The following CTNNA2 variants were observed in gnomAD, a reference collection of about 807,000 sequenced individuals.
CTNNA2 encodes catenin alpha-2.
CTNNA2 carries 42 observed loss-of-function variants against 101.0 expected under a neutral mutation model. The observed-to-expected ratio is 0.42, with a 90% CI of 0.32 to 0.54. The LOEUF (loss-of-function observed/expected upper bound fraction) is 0.54. CTNNA2 is among the 20% of genes least tolerant of loss of function. The pLI, the probability that CTNNA2 is intolerant of heterozygous loss-of-function variation, is 0.14. For missense variants in CTNNA2, 871 were observed against 1,223.1 expected (o/e 0.71, Z 4.29); for synonymous variants, 450 against 456.4 (o/e 0.99, Z 0.18).
intron 2 of CTNNA2, among the ~76,000 whole-genome samples, chr2:79,668,151 A>G (rs1229055349): frequency 6.7e-6 from 1 of 148,374 alleles, no homozygotes; most frequent in Non-Finnish European, 1.5e-5. Context: ...GAGGCAGGAG[A>G]ATGGCGTGAA....
chr2:79,994,340 T>G (rs898760962), intron 7 of CTNNA2, among the ~76,000 whole-genome samples: 2 of 152,210 alleles, frequency 1.3e-5, no homozygotes, highest in Non-Finnish European at 2.9e-5. Context: ...AACCACGAGT[T>G]GCGACATAGT....
At chr2:79,254,030 G>C (rs1013021978) in intron 2 of CTNNA2, among the ~76,000 whole-genome samples, 2 of 152,182 alleles carry the variant, frequency 1.3e-5, no homozygotes, top group African/African-American at 4.8e-5. Flanking sequence ...GTTGGCCTCA[G>C]ATGGAACCGT....
intron 7 of CTNNA2, among the ~76,000 whole-genome samples, chr2:79,929,039 C>T (rs1046339017): frequency 2.0e-5 from 3 of 152,110 alleles, no homozygotes; most frequent in African/African-American, 7.2e-5. Context: ...CATGTGTTTA[C>T]TAAATACAAG....
At chr2:79,608,284 A>T (rs1315996461) in intron 1 of CTNNA2, among the ~76,000 whole-genome samples, 1 of 152,068 alleles carries the variant, frequency 6.6e-6, no homozygotes, top group Non-Finnish European at 1.5e-5. Flanking sequence ...TCTTCCTACA[A>T]AGAAAACTTT....
intron 2 of CTNNA2, among the ~76,000 whole-genome samples, chr2:79,261,744 A>G (rs549484097): frequency 6.6e-6 from 1 of 152,356 alleles, no homozygotes; most frequent in South Asian, 2.1e-4. Context: ...TAAAAGCTCC[A>G]TCTCCAAATG....
At chr2:79,824,304 T>C (rs1678245474) in intron 3 of CTNNA2, among the ~76,000 whole-genome samples, 1 of 152,168 alleles carries the variant, frequency 6.6e-6, no homozygotes, top group Non-Finnish European at 1.5e-5. Flanking sequence ...TATTTTGTGG[T>C]TATCATGCCT....
At chr2:79,505,214 C>T (rs145274246) in intron 5 of CTNNA2, 2 of 152,350 alleles carry the variant, frequency 1.3e-5, no homozygotes, top group East Asian at 3.9e-4. Context: ...GGTTCATACC[C>T]TAGCAGCAGT....
chr2:79,666,970 CT>C (rs1057235917), intron 2 of CTNNA2, among the ~76,000 whole-genome samples: 2 of 151,944 alleles, frequency 1.3e-5, no homozygotes, highest in South Asian at 2.1e-4. Flanking sequence ...TCTAAGTCTC[CT>C]TTTTTTTAAG....
chr2:80,151,476 C>T (rs1207494163), intron 7 of CTNNA2, among the ~76,000 whole-genome samples: 1 of 152,154 alleles, frequency 6.6e-6, no homozygotes, highest in Non-Finnish European at 1.5e-5. Flanking sequence ...GTAAGAGCCA[C>T]AAAATAGCCT....
chr2:80,515,495 A>C (rs1375061039), intron 9 of CTNNA2, among the ~76,000 whole-genome samples: 1 of 152,156 alleles, frequency 6.6e-6, no homozygotes, highest in Non-Finnish European at 1.5e-5. Flanking sequence ...GTCTTAGATA[A>C]CTTTTTGAGA....
chr2:79,322,890 T>C (rs1057004845), intron 3 of CTNNA2, among the ~76,000 whole-genome samples: 1 of 152,208 alleles, frequency 6.6e-6, no homozygotes, highest in Non-Finnish European at 1.5e-5. Flanking sequence ...CCCATTTCCC[T>C]GTGGCTTTCA....
intron 4 of CTNNA2, among the ~76,000 whole-genome samples, chr2:79,496,236 G>T (rs1671254636): frequency 6.6e-6 from 1 of 152,010 alleles, no homozygotes; most frequent in African/African-American, 2.4e-5. Context: ...ATAAGCTTTA[G>T]AATTTTTTTC....
intron 4 of CTNNA2, among the ~76,000 whole-genome samples, chr2:79,410,889 T>C (rs990474023): frequency 5.3e-5 from 8 of 152,098 alleles, no homozygotes; most frequent in Middle Eastern, 3.2e-3. Context: ...CAGTTCTTCC[T>C]TGTACCTCTG....
intron 1 of CTNNA2, among the ~76,000 whole-genome samples, chr2:79,567,681 T>A (rs1236937166): frequency 1.3e-5 from 2 of 151,924 alleles, no homozygotes; most frequent in Non-Finnish European, 2.9e-5. Context: ...GTTAGATGAG[T>A]TCCCTGGAGT....
At chr2:79,852,815 C>T (rs1407171457) in intron 3 of CTNNA2, among the ~76,000 whole-genome samples, 1 of 152,108 alleles carries the variant, frequency 6.6e-6, no homozygotes, top group Non-Finnish European at 1.5e-5. Context: ...TGGTCTCGAT[C>T]TCTTGACCTT....
At chr2:79,887,124 G>T (rs931765458) in intron 6 of CTNNA2, among the ~76,000 whole-genome samples, 1 of 152,076 alleles carries the variant, frequency 6.6e-6, no homozygotes, top group African/African-American at 2.4e-5. Flanking sequence ...GCCCAGACTT[G>T]TGTTTTTGAA....
In CTNNA2 at chr2:80,380,372, A is replaced by G. The variant is rs1427493524; in HGVS notation, c.1057-12839A>G. On this transcript the variant is annotated intron_variant, in intron 7 of 18. Transcript: ENST00000402739. ...TTTGGGAAGAGATGTTGCTCTTCTGAATTTCTAAGCAGACAGGGAGGAACA... is the reference window on the plus strand; with the variant it reads ...TTTGGGAAGAGATGTTGCTCTTCTGGATTTCTAAGCAGACAGGGAGGAACA... 4.6e-5 allele frequency among the ~76,000 whole-genome samples: 7 copies of G among 152,168 alleles called. No individual in the cohort carries two copies. In the South Asian group the frequency reaches 1.2e-3, roughly 27 times the overall value.
chr2:79,687,119 C>G (rs1683982732), intron 2 of CTNNA2, among the ~76,000 whole-genome samples: 1 of 152,180 alleles, frequency 6.6e-6, no homozygotes, highest in East Asian at 1.9e-4. Flanking sequence ...TGCTCATAGA[C>G]AGGCTTATGT....
chr2:80,516,528 G>C (rs1163305696), intron 9 of CTNNA2, among the ~76,000 whole-genome samples: 1 of 152,146 alleles, frequency 6.6e-6, no homozygotes, highest in Non-Finnish European at 1.5e-5. Flanking sequence ...CTCTGGCTGA[G>C]GGGAGGAGGT....
Sources: allele counts gnomAD v4.1 joint callset (sites outside exome capture counted in the v4.1 genomes callset), GRCh38; gene constraint gnomAD v4.1.1; transcripts MANE v1.5; gene names NCBI Gene and HGNC (gene_info 2026-07-23, HGNC 2026-07-21).